APBB2: variants seen among roughly 807,000 people sequenced by gnomAD.
The protein encoded by APBB2 is amyloid beta precursor protein binding family B member 2, also known as Fe65-like 1.
APBB2 carries 38 observed loss-of-function variants against 82.5 expected under a neutral mutation model. The observed-to-expected ratio is 0.46, with a 90% confidence interval of 0.36 to 0.60. The LOEUF is 0.60. APBB2 is among the 20% of genes least tolerant of loss of function. APBB2 has a pLI of 0.00. For synonymous variants in APBB2, 341 were observed against 368.2 expected, an observed-to-expected ratio of 0.93 and a Z score of 0.85; for missense variants, 772 against 972.3, an observed-to-expected ratio of 0.79 and a Z score of 2.74.
intron 5 of APBB2, among the ~76,000 whole-genome samples, chr4:41,021,583 A>T (rs572094824): frequency 6.6e-6 from 1 of 152,276 alleles, no homozygotes; most frequent in South Asian, 2.1e-4. Flanking sequence ...CTCTATGTCT[A>T]GCTAAAGGTT....
At chr4:40,920,191 A>G (rs576118001) in intron 10 of APBB2, among the ~76,000 whole-genome samples, 3 of 152,232 alleles carry the variant, frequency 2.0e-5, no homozygotes, top group South Asian at 4.1e-4. Flanking sequence ...TTCTCATGAT[A>G]GTGAGTAAGT....
chr4:41,089,243 T>C (rs1167180951), intron 3 of APBB2, among the ~76,000 whole-genome samples: 1 of 152,168 alleles, frequency 6.6e-6, no homozygotes, highest in Non-Finnish European at 1.5e-5. Context: ...CCCAAAATGC[T>C]TGGGAAGAGA....
At position 40,810,028 on chromosome 4, in the gene APBB2, A is replaced by AAAG. The variant is rs1304021889; in HGVS notation, c.*6061_*6063dup. ...TAAAAACATTCATAGACATATTCAT[A>AAAG]AAGTTTGAATTTAAAGTTTTATTTT... On this transcript the variant is annotated 3_prime_UTR_variant, in exon 18 of 18. Coordinates refer to ENST00000508593, the MANE Select transcript of APBB2 (RefSeq NM_004307.2). 4 of 152,236 alleles carry AAAG rather than the reference A, an allele frequency of 2.6e-5. No individual in the cohort carries two copies. The highest frequency in any genetic ancestry group is 1.5e-5 in the Non-Finnish European group (1 of 68,040). 9.4% of individuals were successfully genotyped at this position (152,236 alleles called of 1,614,324 possible). A position where few individuals can be genotyped will look rare whatever the true frequency, so the allele number is the denominator to read the frequency against.
At chr4:40,967,705 C>A (rs1301556539) in intron 6 of APBB2, among the ~76,000 whole-genome samples, 1 of 152,152 alleles carries the variant, frequency 6.6e-6, no homozygotes, top group African/African-American at 2.4e-5. Context: ...GGGATCCAGG[C>A]TAGAAGCGTG....
At chr4:41,156,430 C>A (rs888532622) in intron 1 of APBB2, among the ~76,000 whole-genome samples, 14 of 152,198 alleles carry the variant, frequency 9.2e-5, no homozygotes, top group African/African-American at 3.1e-4. Context: ...AGGGAAGAAT[C>A]TCCATGTGCT....
chr4:40,866,240 C>T (rs1764008875), intron 12 of APBB2, among the ~76,000 whole-genome samples: 1 of 151,950 alleles, frequency 6.6e-6, no homozygotes, highest in Non-Finnish European at 1.5e-5. Context: ...GGGTTTACCT[C>T]AGTTTTCCAT....
At chr4:40,929,810 C>A (rs1430808014) in intron 10 of APBB2, among the ~76,000 whole-genome samples, 2 of 152,056 alleles carry the variant, frequency 1.3e-5, no homozygotes, top group African/African-American at 4.8e-5. Flanking sequence ...AGCCTTTGCC[C>A]CAGTAATACC....
At chr4:41,049,499 G>GCCAGCCAACCCCTCCGC (rs1725080936) in intron 4 of APBB2, among the ~76,000 whole-genome samples, 2 of 120,538 alleles carry the variant, frequency 1.7e-5, no homozygotes, top group African/African-American at 8.2e-5. Context: ...GCCCCGTCCG[G>GCCAGCCAACCCCTCCGC]GAGGGAGGTG....
intron 1 of APBB2, among the ~76,000 whole-genome samples, chr4:41,181,261 C>T (rs1771257775): frequency 6.6e-6 from 1 of 152,190 alleles, no homozygotes. Flanking sequence ...GGCAAGGCTA[C>T]AACTCAAGGG....
In APBB2 at chr4:41,013,865, T is replaced by A. The variant is rs1304161925; in HGVS notation, c.553A>T (p.Thr185Ser). 6.2e-7 allele frequency: 1 copy of A among 1,614,038 alleles called. No individual in the cohort carries two copies. The highest frequency in any genetic ancestry group is 2.2e-5 in the East Asian group (1 of 44,886). The stretch of plus-strand genomic sequence containing the variant: ...ACTGGCTGGGATTTCTCTTCCGCAG[T>A]CCCATGGTGATTGCCTCGGTTCTGC... ...LEQNRGNHHG[T>S]AEEKSQPVQG... The change falls in exon 6 of 18, where the codon ACT (threonine) becomes TCT (serine). Residue 185 changes from threonine to serine, a missense_variant. Thr to Ser is a moderately conservative substitution (Grantham distance 58, BLOSUM62 1). Coordinates refer to ENST00000508593, the MANE Select transcript of APBB2 (RefSeq NM_004307.2).
chr4:40,910,840 C>T (rs1179765276), intron 10 of APBB2, among the ~76,000 whole-genome samples: 1 of 152,278 alleles, frequency 6.6e-6, no homozygotes, highest in Admixed American at 6.5e-5. Context: ...TCCTCATCTG[C>T]ATCACCGGAG....
chr4:40,875,131 T>G (rs1384577482), intron 12 of APBB2, among the ~76,000 whole-genome samples: 1 of 152,158 alleles, frequency 6.6e-6, no homozygotes, highest in Non-Finnish European at 1.5e-5. Flanking sequence ...ATCGTGGGGT[T>G]TGGCTCCATC....
At chr4:41,102,230 G>A (rs1395810260) in intron 2 of APBB2, among the ~76,000 whole-genome samples, 1 of 152,148 alleles carries the variant, frequency 6.6e-6, no homozygotes, top group East Asian at 1.9e-4. Context: ...GCTACAGCAA[G>A]TAGTTGTAAC....
intron 12 of APBB2, among the ~76,000 whole-genome samples, chr4:40,883,077 CCT>C (rs1041595221): frequency 1.3e-4 from 20 of 152,284 alleles, no homozygotes; most frequent in African/African-American, 3.4e-4. Flanking sequence ...AGCCTGAACC[CCT>C]GAGTGGCACA....
chr4:40,996,634 T>C (rs1345058014), intron 6 of APBB2, among the ~76,000 whole-genome samples: 1 of 152,192 alleles, frequency 6.6e-6, no homozygotes, highest in Non-Finnish European at 1.5e-5. Flanking sequence ...CTACTATTTC[T>C]GAAAACTAAC....
chr4:40,834,775 C>T (rs1426961803), intron 12 of APBB2, among the ~76,000 whole-genome samples: 8 of 152,088 alleles, frequency 5.3e-5, no homozygotes, highest in Non-Finnish European at 7.4e-5. Context: ...GGCAAGAAAA[C>T]GGATTCTCCC....
At chr4:41,070,155 A>G (rs1733298758) in intron 3 of APBB2, among the ~76,000 whole-genome samples, 1 of 152,166 alleles carries the variant, frequency 6.6e-6, no homozygotes, top group South Asian at 2.1e-4. Flanking sequence ...TCATGAGATA[A>G]CCAAGTCTCG....
At chr4:40,989,687 T>C (rs1041357233) in intron 6 of APBB2, among the ~76,000 whole-genome samples, 1 of 152,198 alleles carries the variant, frequency 6.6e-6, no homozygotes, top group South Asian at 2.1e-4. Flanking sequence ...CACAGACTGA[T>C]ACAGCCCCCT....
At chr4:40,960,359 T>TG (rs1276072344) in intron 6 of APBB2, among the ~76,000 whole-genome samples, 3 of 151,116 alleles carry the variant, frequency 2.0e-5, no homozygotes, top group African/African-American at 7.3e-5. Context: ...AATAGACCCA[T>TG]GGGGTTAAGA....
Sources: gnomAD v4.1 joint callset for allele counts (sites outside exome capture counted in the v4.1 genomes callset) on GRCh38, gnomAD v4.1.1 for gene constraint, MANE v1.5 for transcripts, NCBI Gene and HGNC (gene_info 2026-07-23, HGNC 2026-07-21) for gene names.